Variants in SYNPO2 observed in about 807,000 individuals in gnomAD.
SYNPO2 encodes synaptopodin-2.
In SYNPO2, 56 loss-of-function variants were observed where a neutral mutation model predicts 85.0. The ratio of observed to expected loss-of-function variants is 0.66; its 90% CI spans 0.53 to 0.82. The LOEUF is 0.82. Ranked by LOEUF, SYNPO2 falls within the 40% of genes least tolerant of loss-of-function variation. The pLI is 0.00. For missense variants in SYNPO2, 1,575 were observed against 1,534.2 expected, an observed-to-expected ratio of 1.03 and a Z score of -0.44; for synonymous variants, 602 against 591.1, an observed-to-expected ratio of 1.02 and a Z score of -0.27.
At chr4:118,901,375 G>A (rs1732749841) in intron 1 of SYNPO2, among the ~76,000 whole-genome samples, 1 of 152,058 alleles carries the variant, frequency 6.6e-6, no homozygotes, top group African/African-American at 2.4e-5. Flanking sequence ...ACACAATAAG[G>A]CAAAGTTCCT....
intron 1 of SYNPO2, among the ~76,000 whole-genome samples, chr4:118,890,223 T>C (rs76411144): frequency 0.022 from 3,280 of 152,136 alleles, 44 homozygotes; most frequent in African/African-American, 0.024. Context: ...AACTCCTTTT[T>C]GCTTCCAGGC....
At chr4:118,912,382 T>C (rs1004210673) in intron 1 of SYNPO2, among the ~76,000 whole-genome samples, 1 of 152,166 alleles carries the variant, frequency 6.6e-6, no homozygotes, top group African/African-American at 2.4e-5. Flanking sequence ...GGTTTCACCA[T>C]GTTGCCCAGG....
At chr4:119,012,375 C>CTTTTTTTTTTT (rs10651853) in intron 1 of SYNPO2, among the ~76,000 whole-genome samples, 71 of 109,664 alleles carry the variant, frequency 6.5e-4, no homozygotes, top group East Asian at 8.0e-4. Flanking sequence ...TCCCCCTTTT[C>CTTTTTTTTTTT]TTTTTTTTTT....
At chr4:119,020,035 TA>T (rs1206420244) in intron 1 of SYNPO2, among the ~76,000 whole-genome samples, 2 of 152,158 alleles carry the variant, frequency 1.3e-5, no homozygotes, top group Non-Finnish European at 2.9e-5. Flanking sequence ...TATACAATTA[TA>T]AAAATACGTA....
chr4:118,929,494 T>A (rs569247940), intron 1 of SYNPO2, among the ~76,000 whole-genome samples: 162 of 152,104 alleles, frequency 1.1e-3, no homozygotes, highest in Non-Finnish European at 1.9e-3. Context: ...ATAAAAAAAA[T>A]TTTGCTACAT....
chr4:118,965,368 G>A (rs189229877), intron 1 of SYNPO2, among the ~76,000 whole-genome samples: 2 of 151,956 alleles, frequency 1.3e-5, no homozygotes, highest in Admixed American at 6.6e-5. Context: ...CCATCTCCCG[G>A]TTCTACTCCT....
chr4:118,872,088 G>A (rs988117653), intron 1 of SYNPO2, among the ~76,000 whole-genome samples: 1 of 152,190 alleles, frequency 6.6e-6, no homozygotes, highest in Non-Finnish European at 1.5e-5. Flanking sequence ...ACTCAGGAAT[G>A]CATTAGCATT....
At chr4:118,938,508 A>G (rs1734191691) in intron 1 of SYNPO2, among the ~76,000 whole-genome samples, 1 of 152,204 alleles carries the variant, frequency 6.6e-6, no homozygotes, top group South Asian at 2.1e-4. Flanking sequence ...AGATGCTTAC[A>G]TATTGTAGGC....
rs753323450 is a variant in SYNPO2, at chr4:119,031,967, A to G, written c.3192A>G (p.Ser1064=). 5 of 1,614,088 alleles carry G rather than the reference A, an allele frequency of 3.1e-6. No individual in the cohort carries two copies. The Admixed American group carries it at 5.0e-5, about 16-fold the overall frequency. The change falls in exon 4 of 5, where the codon TCA becomes TCG. Residue 1064 remains serine (S), a synonymous_variant. Coordinates refer to ENST00000307142, the MANE Select transcript of SYNPO2 (RefSeq NM_133477.3). ...CGCCAAAGCAAGAATCAGCCTCATCATCTTATTTTGTGGCACCAAGGCCAA... is the reference window on the plus strand; with the variant it reads ...CGCCAAAGCAAGAATCAGCCTCATCGTCTTATTTTGTGGCACCAAGGCCAA... ...PTSPKQESAS[S]SYFVAPRPKF...
intron 4 of SYNPO2, chr4:119,036,090 C>A: frequency 2.0e-6 from 2 of 985,396 alleles, no homozygotes; most frequent in Non-Finnish European, 1.2e-6. Context: ...AGGGCTCCTG[C>A]AAGCACCCCC....
chr4:118,991,152 T>A (rs1480115319), intron 1 of SYNPO2, among the ~76,000 whole-genome samples: 1 of 152,126 alleles, frequency 6.6e-6, no homozygotes, highest in Non-Finnish European at 1.5e-5. Context: ...TTTATTTATT[T>A]TTTATTATTT....
chr4:118,867,962 C>T (rs1259675822), intron 1 of SYNPO2, among the ~76,000 whole-genome samples: 1 of 150,698 alleles, frequency 6.6e-6, no homozygotes, highest in Non-Finnish European at 1.5e-5. Flanking sequence ...CAGTCAGTCT[C>T]TGTCATGTTT....
At chr4:118,969,554 T>C (rs1290660483) in intron 1 of SYNPO2, among the ~76,000 whole-genome samples, 2 of 152,188 alleles carry the variant, frequency 1.3e-5, no homozygotes, top group Admixed American at 1.3e-4. Context: ...TTTATGGTCA[T>C]GATTATTAAT....
At chr4:118,895,223 CT>C (rs780117036) in intron 1 of SYNPO2, among the ~76,000 whole-genome samples, 4 of 152,200 alleles carry the variant, frequency 2.6e-5, no homozygotes, top group Non-Finnish European at 5.9e-5. Context: ...ACTCTAAACT[CT>C]TTCCCTAGTC....
intron 1 of SYNPO2, among the ~76,000 whole-genome samples, chr4:118,870,463 G>A (rs1346074785): frequency 6.6e-6 from 1 of 152,228 alleles, no homozygotes; most frequent in Non-Finnish European, 1.5e-5. Flanking sequence ...GTTGTTCCAA[G>A]TCTTTGCTAT....
At chr4:118,926,504 T>C (rs1161677842) in intron 1 of SYNPO2, among the ~76,000 whole-genome samples, 1 of 152,020 alleles carries the variant, frequency 6.6e-6, no homozygotes, top group East Asian at 1.9e-4. Context: ...AAAAGAATAA[T>C]AAAGGTGATT....
intron 1 of SYNPO2, among the ~76,000 whole-genome samples, chr4:118,916,320 G>A (rs917664795): frequency 1.2e-4 from 18 of 151,720 alleles, no homozygotes; most frequent in Admixed American, 6.6e-5. Context: ...ATAAAGGCAC[G>A]CACCACCACA....
At chr4:119,053,489 T>G (rs1739114453) in intron 4 of SYNPO2, among the ~76,000 whole-genome samples, 1 of 152,214 alleles carries the variant, frequency 6.6e-6, no homozygotes, top group Non-Finnish European at 1.5e-5. Context: ...TGGTTGCTCT[T>G]CTTTCCTCAC....
intron 1 of SYNPO2, among the ~76,000 whole-genome samples, chr4:119,014,969 G>T (rs1737472622): frequency 6.6e-6 from 1 of 152,158 alleles, no homozygotes; most frequent in Non-Finnish European, 1.5e-5. Context: ...TAAATGTTCA[G>T]TGCAGTCAAC....
Sources: allele counts gnomAD v4.1 joint callset (sites outside exome capture counted in the v4.1 genomes callset), GRCh38; gene constraint gnomAD v4.1.1; transcripts MANE v1.5; gene names NCBI Gene and HGNC (gene_info 2026-07-23, HGNC 2026-07-21).